GRM5: variants seen among roughly 807,000 people sequenced by gnomAD.
The protein encoded by GRM5 is glutamate metabotropic receptor 5.
In GRM5, 19 loss-of-function variants were observed where a neutral mutation model predicts 83.1. That is an observed-to-expected ratio of 0.23 (90% CI 0.16 to 0.34). GRM5 has a LOEUF of 0.34. Among genes scored for constraint, GRM5 ranks in the 10% least tolerant of loss-of-function variants. GRM5 has a pLI of 1.00. For missense variants in GRM5, 1,160 were observed against 1,588.3 expected (o/e 0.73, Z 4.58); for synonymous variants, 675 against 633.6 (o/e 1.07, Z -0.98).
intron 3 of GRM5, among the ~76,000 whole-genome samples, chr11:88,809,928 T>A (rs1943561333): frequency 6.6e-6 from 1 of 152,054 alleles, no homozygotes; most frequent in Admixed American, 6.6e-5. Context: ...AACAAATGTG[T>A]TTCTTAAACC....
At chr11:89,053,383 GATT>G (rs1344300470) in intron 1 of GRM5, among the ~76,000 whole-genome samples, 2 of 152,094 alleles carry the variant, frequency 1.3e-5, no homozygotes, top group Non-Finnish European at 2.9e-5. Flanking sequence ...CCATTACTCA[GATT>G]ATTATAAGGT....
chr11:88,527,589 G>C (rs1393655547), intron 8 of GRM5, among the ~76,000 whole-genome samples: 2 of 152,046 alleles, frequency 1.3e-5, no homozygotes, highest in Non-Finnish European at 2.9e-5. Context: ...CCCATTACTG[G>C]TCATATACCT....
chr11:88,935,708 T>C (rs1191141248), intron 2 of GRM5, among the ~76,000 whole-genome samples: 1 of 151,948 alleles, frequency 6.6e-6, no homozygotes, highest in Non-Finnish European at 1.5e-5. Context: ...AAATACTCTT[T>C]TTGAAGACCT....
chr11:88,783,487 C>A (rs1053076375), intron 3 of GRM5, among the ~76,000 whole-genome samples: 1 of 152,078 alleles, frequency 6.6e-6, no homozygotes, highest in African/African-American at 2.4e-5. Context: ...TGTGTCAGAG[C>A]TGTAATTGGA....
intron 3 of GRM5, among the ~76,000 whole-genome samples, chr11:88,794,038 G>A (rs1409620952): frequency 6.6e-6 from 1 of 152,106 alleles, no homozygotes; most frequent in Non-Finnish European, 1.5e-5. Flanking sequence ...TCTCAGGCTG[G>A]TCTTGAATTC....
At chr11:89,043,232 A>G (rs570113200) in intron 2 of GRM5, among the ~76,000 whole-genome samples, 14 of 152,320 alleles carry the variant, frequency 9.2e-5, no homozygotes, top group African/African-American at 3.4e-4. Flanking sequence ...GGGCACTCTA[A>G]TAGGCCCTGT....
At position 88,964,317 on chromosome 11, in the gene GRM5, T is replaced by C. The variant is rs190183139; in HGVS notation, c.661+82895A>G. ...ATATTATTTTAGATGACTCAAAAGA[T>C]AGCCTTCATTTTATTTTTCTGAGAG... is the stretch of plus-strand genomic sequence containing the variant. On this transcript the variant is annotated intron_variant, in intron 2 of 9. Coordinates refer to ENST00000305447, the MANE Select transcript of GRM5 (RefSeq NM_001143831.3). Among the ~76,000 whole-genome samples, 180 of 152,064 alleles carry C rather than the reference T, an allele frequency of 1.2e-3. 1 individual carries two copies. Among genetic ancestry groups the C allele is most frequent in the African/African-American group, 4.1e-3 (169 of 41,510 alleles).
At chr11:88,819,196 C>T (rs1451491584) in intron 3 of GRM5, among the ~76,000 whole-genome samples, 3 of 152,168 alleles carry the variant, frequency 2.0e-5, no homozygotes, top group Admixed American at 6.5e-5. Context: ...AGGCTTGATG[C>T]CATAATTTCT....
intron 3 of GRM5, among the ~76,000 whole-genome samples, chr11:88,813,274 AG>A (rs1943616236): frequency 6.6e-6 from 1 of 152,286 alleles, no homozygotes; most frequent in African/African-American, 2.4e-5. Context: ...ACTTGCAGGT[AG>A]GGGGTACTAA....
At chr11:88,912,911 A>G (rs1447512033) in intron 2 of GRM5, among the ~76,000 whole-genome samples, 1 of 152,186 alleles carries the variant, frequency 6.6e-6, no homozygotes, top group Admixed American at 6.5e-5. Flanking sequence ...ACATGTTCCC[A>G]GGTCTACATA....
intron 2 of GRM5, among the ~76,000 whole-genome samples, chr11:88,923,340 G>T (rs1045406821): frequency 1.3e-5 from 2 of 152,054 alleles, no homozygotes; most frequent in Non-Finnish European, 2.9e-5. Flanking sequence ...CAAATGTAGC[G>T]CATATACACA....
intron 2 of GRM5, chr11:88,925,831 C>T (rs1453241136): frequency 2.3e-6 from 1 of 440,582 alleles, no homozygotes; most frequent in Non-Finnish European, 4.6e-6. Flanking sequence ...ATAGCTTGAA[C>T]CTGAAAGGCA....
chr11:88,731,124 AT>A (rs959019434), intron 3 of GRM5, among the ~76,000 whole-genome samples: 1 of 152,038 alleles, frequency 6.6e-6, no homozygotes, highest in Non-Finnish European at 1.5e-5. Flanking sequence ...AAAAAATGCC[AT>A]TTTTTTAATG....
At chr11:88,951,287 T>C (rs1004065963) in intron 2 of GRM5, among the ~76,000 whole-genome samples, 6 of 152,186 alleles carry the variant, frequency 3.9e-5, no homozygotes, top group African/African-American at 1.4e-4. Flanking sequence ...AACTATGAGG[T>C]AAGAACAAAG....
At chr11:88,662,286 A>G (rs1232142128) in intron 3 of GRM5, among the ~76,000 whole-genome samples, 2 of 152,214 alleles carry the variant, frequency 1.3e-5, no homozygotes, top group Non-Finnish European at 2.9e-5. Flanking sequence ...ATAAACTCAG[A>G]TCTTGCTAAT....
intron 4 of GRM5, among the ~76,000 whole-genome samples, chr11:88,621,915 C>T (rs1938646901): frequency 6.6e-6 from 1 of 152,050 alleles, no homozygotes; most frequent in African/African-American, 2.4e-5. Flanking sequence ...AGAGATTAAT[C>T]ATCATCTCTA....
chr11:88,769,323 T>C (rs965159234), intron 3 of GRM5, among the ~76,000 whole-genome samples: 1 of 152,066 alleles, frequency 6.6e-6, no homozygotes, highest in African/African-American at 2.4e-5. Context: ...TGTAGAGATA[T>C]TTATGGACTT....
chr11:88,533,811 A>T (rs1942072568), intron 8 of GRM5, among the ~76,000 whole-genome samples: 1 of 152,208 alleles, frequency 6.6e-6, no homozygotes, highest in Non-Finnish European at 1.5e-5. Flanking sequence ...AGCCCCTTCC[A>T]TCACAGATCT....
chr11:89,021,030 C>T (rs1240272348), intron 2 of GRM5, among the ~76,000 whole-genome samples: 1 of 152,134 alleles, frequency 6.6e-6, no homozygotes, highest in African/African-American at 2.4e-5. Context: ...TGACCACAGT[C>T]CCCTCATTTC....
Sources: gnomAD v4.1 joint callset for allele counts (sites outside exome capture counted in the v4.1 genomes callset) on GRCh38, gnomAD v4.1.1 for gene constraint, MANE v1.5 for transcripts, NCBI Gene and HGNC (gene_info 2026-07-23, HGNC 2026-07-21) for gene names.